Variants in RIN2 observed in about 807,000 individuals in gnomAD.
RIN2 encodes the protein Ras and Rab interactor 2.
Under a neutral mutation model 78.0 loss-of-function variants are expected in RIN2, and 36 were observed. The observed-to-expected ratio is 0.46, with a 90% confidence interval of 0.35 to 0.61. The LOEUF (loss-of-function observed/expected upper bound fraction) is 0.61. RIN2 is among the 20% of genes least tolerant of loss of function. The probability of loss-of-function intolerance (pLI) is 0.00; values close to 1 mark genes in which losing one functional copy is unlikely to be tolerated. For missense variants in RIN2, 1,087 were observed against 1,159.7 expected (o/e 0.94, Z 0.91); for synonymous variants, 466 against 466.8 (o/e 1.00, Z 0.02).
intron 1 of RIN2, among the ~76,000 whole-genome samples, chr20:19,783,888 C>A (rs188457038): frequency 6.6e-6 from 1 of 152,246 alleles, no homozygotes; most frequent in Non-Finnish European, 1.5e-5. Flanking sequence ...GGGAAAAGCT[C>A]ATTCCAAGAG....
rs77440803 is a variant in RIN2, at chr20:19,980,495, G to T, written c.1762+4708G>T. The stretch of plus-strand genomic sequence containing the variant: ...TCGGAAAGACCTTGCTCACAAGGTG[G>T]GTGGCGGATGGCATCACAAAATAAG... On this transcript the variant is annotated intron_variant, in intron 9 of 12. Coordinates refer to ENST00000255006, the MANE Select transcript of RIN2 (RefSeq NM_018993.4). Among the ~76,000 whole-genome samples, 1,392 of 152,250 alleles carry T rather than the reference G, an allele frequency of 9.1e-3. 37 individuals are homozygous for T. Among genetic ancestry groups the T allele is most frequent in the East Asian group, 0.091 (472 of 5,178 alleles).
At chr20:19,998,886 C>T (rs1239594857) in intron 12 of RIN2, among the ~76,000 whole-genome samples, 1 of 152,180 alleles carries the variant, frequency 6.6e-6, no homozygotes, top group African/African-American at 2.4e-5. Flanking sequence ...CCTTTCCCCA[C>T]CTGCCAACAC....
intron 1 of RIN2, among the ~76,000 whole-genome samples, chr20:19,789,556 C>A (rs998821811): frequency 6.6e-6 from 1 of 152,138 alleles, no homozygotes; most frequent in Non-Finnish European, 1.5e-5. Flanking sequence ...TACTTACTTT[C>A]TCTTGCTGCA....
intron 3 of RIN2, among the ~76,000 whole-genome samples, chr20:19,925,208 A>C (rs1351169323): frequency 6.6e-6 from 1 of 152,068 alleles, no homozygotes; most frequent in Non-Finnish European, 1.5e-5. Flanking sequence ...GGGGGAACCC[A>C]GCTCTGGCCA....
chr20:19,971,626 A>T (rs1457434627), intron 8 of RIN2, among the ~76,000 whole-genome samples: 1 of 151,782 alleles, frequency 6.6e-6, no homozygotes, highest in South Asian at 2.1e-4. Context: ...CTCCTCTGGC[A>T]TATTTTTCTC....
chr20:19,892,297 A>G (rs1289184508), intron 3 of RIN2, among the ~76,000 whole-genome samples: 1 of 152,034 alleles, frequency 6.6e-6, no homozygotes, highest in Non-Finnish European at 1.5e-5. Flanking sequence ...GCTCACTGCA[A>G]CCTCTGCCTC....
chr20:19,851,731 C>T (rs1397496236), intron 2 of RIN2, among the ~76,000 whole-genome samples: 1 of 151,994 alleles, frequency 6.6e-6, no homozygotes, highest in Non-Finnish European at 1.5e-5. Flanking sequence ...TCTTGGGCTC[C>T]CAAGAGCTCT....
Position 19,787,800 on chromosome 20 carries a change from G to A in RIN2, c.-162-11822G>A, listed in dbSNP as rs542519501. On this transcript the variant is annotated intron_variant, in intron 1 of 12. Transcript: ENST00000255006. ...GTCCAGAGACATAGATCTAGTAAGGGGAGGATAGACAGTTCAGGTATTAAA... is the reference window on the plus strand; with the variant it reads ...GTCCAGAGACATAGATCTAGTAAGGAGAGGATAGACAGTTCAGGTATTAAA... Among the ~76,000 whole-genome samples the A allele has an allele frequency of 3.9e-5, 6 of 152,224 alleles. No individual in the cohort carries two copies. In the South Asian group the frequency reaches 1.2e-3, roughly 32 times the overall value.
intron 2 of RIN2, among the ~76,000 whole-genome samples, chr20:19,865,182 G>T (rs1258194929): frequency 6.6e-6 from 1 of 152,152 alleles, no homozygotes; most frequent in African/African-American, 2.4e-5. Flanking sequence ...ATGTCCTTAG[G>T]CAGAGTTAAG....
chr20:19,874,514 C>T (rs2037795468), intron 2 of RIN2, among the ~76,000 whole-genome samples: 1 of 152,216 alleles, frequency 6.6e-6, no homozygotes, highest in African/African-American at 2.4e-5. Flanking sequence ...CAAGACAGCA[C>T]ACCCCGTCAT....
At chr20:19,758,675 G>T (rs1421592577) in intron 1 of RIN2, among the ~76,000 whole-genome samples, 1 of 152,192 alleles carries the variant, frequency 6.6e-6, no homozygotes, top group African/African-American at 2.4e-5. Context: ...GGCTCGAGGT[G>T]CGGAGGTGCG....
chr20:19,930,148 G>A (rs544353813), intron 3 of RIN2, among the ~76,000 whole-genome samples: 1 of 152,242 alleles, frequency 6.6e-6, no homozygotes, highest in South Asian at 2.1e-4. Context: ...AGCAGGGAAG[G>A]GTCCACAGCG....
chr20:19,935,300 G>C (rs1430804138), intron 4 of RIN2, 101 bp downstream of exon 4: 4 of 1,283,726 alleles, frequency 3.1e-6, no homozygotes, highest in Non-Finnish European at 4.2e-6. Flanking sequence ...AAGTCTGGGA[G>C]CTGGGAGTGT....
chr20:19,911,270 C>T (rs991246979), intron 3 of RIN2, among the ~76,000 whole-genome samples: 1 of 152,108 alleles, frequency 6.6e-6, no homozygotes, highest in African/African-American at 2.4e-5. Context: ...CCAGGCTGGT[C>T]TCGAACTCCT....
At chr20:19,802,640 G>A (rs917572388) in intron 2 of RIN2, among the ~76,000 whole-genome samples, 1 of 151,984 alleles carries the variant, frequency 6.6e-6, no homozygotes, top group African/African-American at 2.4e-5. Flanking sequence ...AGCCACCTTT[G>A]GGTAGTCCCT....
chr20:19,821,125 T>C (rs1260914897), intron 2 of RIN2, among the ~76,000 whole-genome samples: 1 of 152,138 alleles, frequency 6.6e-6, no homozygotes, highest in Non-Finnish European at 1.5e-5. Flanking sequence ...TTTAACTCTG[T>C]TTCTCCACCC....
At chr20:19,946,444 G>A (rs530028889) in intron 4 of RIN2, among the ~76,000 whole-genome samples, 10 of 152,266 alleles carry the variant, frequency 6.6e-5, no homozygotes, top group South Asian at 4.1e-4. Context: ...GGCCGGCGCC[G>A]GGGTTCACAC....
chr20:19,950,897 TTTC>T (rs1235725216), intron 4 of RIN2, among the ~76,000 whole-genome samples: 7,477 of 149,970 alleles, frequency 0.05, 358 homozygotes, highest in East Asian at 0.27. Flanking sequence ...TTTTTTTTTT[TTTC>T]TTTTTTTGGG....
intron 1 of RIN2, 186 bp from the exon 2 acceptor site, chr20:19,799,436 A>T (rs893068506): frequency 6.6e-6 from 1 of 152,132 alleles, no homozygotes; most frequent in Non-Finnish European, 1.5e-5. Context: ...TGGTAAAGAA[A>T]TCTCCCTCCT....
Sources: allele counts gnomAD v4.1 joint callset (sites outside exome capture counted in the v4.1 genomes callset), GRCh38; gene constraint gnomAD v4.1.1; transcripts MANE v1.5; gene names NCBI Gene and HGNC (gene_info 2026-07-23, HGNC 2026-07-21).